The following DNM3 variants were observed in gnomAD, a reference collection of about 807,000 sequenced individuals.
DNM3 encodes the protein dynamin-3.
A neutral mutation model predicts 101.6 loss-of-function variants in DNM3; 47 were observed. The observed-to-expected ratio is 0.46, with a 90% CI of 0.37 to 0.59. The LOEUF (loss-of-function observed/expected upper bound fraction) is 0.59. Among genes scored for constraint, DNM3 ranks in the 20% least tolerant of loss-of-function variants. The pLI, the probability that DNM3 is intolerant of heterozygous loss-of-function variation, is 0.00. For synonymous variants in DNM3, 385 were observed against 387.9 expected, an observed-to-expected ratio of 0.99 and a Z score of 0.09; for missense variants, 849 against 1,085.7, an observed-to-expected ratio of 0.78 and a Z score of 3.06.
chr1:172,268,788 ACT>A (rs2062969876), intron 15 of DNM3, among the ~76,000 whole-genome samples: 1 of 152,086 alleles, frequency 6.6e-6, no homozygotes, highest in South Asian at 2.1e-4. Context: ...TTCAAATGAA[ACT>A]CTGAAATGAA....
chr1:171,861,229 T>C (rs1226087683), intron 1 of DNM3, among the ~76,000 whole-genome samples: 2 of 152,150 alleles, frequency 1.3e-5, no homozygotes, highest in East Asian at 3.8e-4. Context: ...GCCATTTTTG[T>C]GCAGAAATTG....
At chr1:172,181,580 T>A (rs1193330496) in intron 14 of DNM3, among the ~76,000 whole-genome samples, 1 of 152,078 alleles carries the variant, frequency 6.6e-6, no homozygotes, top group Non-Finnish European at 1.5e-5. Context: ...CGTATTTCTC[T>A]ACAGAGTTGT....
intron 17 of DNM3, among the ~76,000 whole-genome samples, chr1:172,367,524 A>G (rs1260060256): frequency 6.6e-6 from 1 of 151,922 alleles, no homozygotes; most frequent in Non-Finnish European, 1.5e-5. Flanking sequence ...GAGAGGAAAA[A>G]CAGAAACAAA....
At chr1:171,947,713 C>G (rs1361915279) in intron 2 of DNM3, among the ~76,000 whole-genome samples, 2 of 152,144 alleles carry the variant, frequency 1.3e-5, no homozygotes, top group Non-Finnish European at 2.9e-5. Context: ...TGTTTTTACT[C>G]TTTGCGCATC....
At chr1:171,965,513 C>T (rs118146902) in intron 2 of DNM3, among the ~76,000 whole-genome samples, 1 of 151,270 alleles carries the variant, frequency 6.6e-6, no homozygotes, top group East Asian at 1.9e-4. Context: ...ATGATTGTTC[C>T]ACTGTAAAGC....
At chr1:172,279,841 T>G (rs2063420947) in intron 15 of DNM3, among the ~76,000 whole-genome samples, 1 of 152,214 alleles carries the variant, frequency 6.6e-6, no homozygotes, top group Non-Finnish European at 1.5e-5. Context: ...TCCTCCTTGC[T>G]GTTGTCATCC....
At chr1:172,039,034 A>G (rs1197523926) in intron 7 of DNM3, among the ~76,000 whole-genome samples, 2 of 151,740 alleles carry the variant, frequency 1.3e-5, no homozygotes, top group Non-Finnish European at 2.9e-5. Context: ...TGATCTTCCC[A>G]TCTTATCTTT....
chr1:172,329,267 A>T (rs1356523157), intron 17 of DNM3, among the ~76,000 whole-genome samples: 2 of 152,128 alleles, frequency 1.3e-5, no homozygotes. Flanking sequence ...AGGATATATG[A>T]ATATTGAATG....
Position 171,882,461 on chromosome 1 carries a change from A to G in DNM3, c.162-39287A>G, listed in dbSNP as rs113663363. 3.1e-3 allele frequency among the ~76,000 whole-genome samples: 459 copies of G among 145,874 alleles called. 3 individuals are homozygous for G. The highest frequency in any genetic ancestry group is 0.011 in the African/African-American group (441 of 39,618). The stretch of plus-strand genomic sequence containing the variant: ...CACACACACACACACACACACACAC[A>G]CACGCACCATTTAAGAGTTAATGGT... On this transcript the variant is annotated intron_variant, in intron 1 of 20. Coordinates refer to ENST00000627582, the MANE Select transcript of DNM3 (RefSeq NM_015569.5).
intron 12 of DNM3, among the ~76,000 whole-genome samples, chr1:172,090,363 G>C (rs891731028): frequency 6.6e-6 from 1 of 152,162 alleles, no homozygotes; most frequent in African/African-American, 2.4e-5. Context: ...AAGCCCTTAG[G>C]AGAGTGCTAC....
intron 17 of DNM3, chr1:172,338,758 T>C (rs2066557349): frequency 2.1e-6 from 1 of 466,130 alleles, no homozygotes; most frequent in African/African-American, 2.0e-5. Context: ...TTACCATATC[T>C]CTTTGTACTT....
At chr1:172,243,690 A>G (rs1185187196) in intron 14 of DNM3, among the ~76,000 whole-genome samples, 2 of 152,204 alleles carry the variant, frequency 1.3e-5, no homozygotes, top group African/African-American at 2.4e-5. Flanking sequence ...GAGTTTATAC[A>G]GTGCTCAAGA....
At position 171,849,735 on chromosome 1, in the gene DNM3, T is replaced by A. The variant is rs535238350; in HGVS notation, c.161+7918T>A. The stretch of plus-strand genomic sequence containing the variant: ...CCCTTCCAAGAGTTCCAAAGCAGTT[T>A]TTATCATTTCATTAATCCTTCGAAT... On this transcript the variant is annotated intron_variant, in intron 1 of 20. Coordinates refer to ENST00000627582, the MANE Select transcript of DNM3 (RefSeq NM_015569.5). 1.3e-5 allele frequency among the ~76,000 whole-genome samples: 2 copies of A among 152,292 alleles called. 1 individual carries two copies. Among genetic ancestry groups the A allele is most frequent in the South Asian group, 4.1e-4 (2 of 4,826 alleles).
intron 1 of DNM3, among the ~76,000 whole-genome samples, chr1:171,918,360 G>T (rs986933738): frequency 6.6e-6 from 1 of 152,150 alleles, no homozygotes; most frequent in African/African-American, 2.4e-5. Context: ...CCCATTCAGT[G>T]GTAGAGCTAA....
chr1:172,064,558 G>A lies in DNM3; in HGVS notation c.1336-4261G>A, dbSNP rs1478373648. 2.6e-5 allele frequency among the ~76,000 whole-genome samples: 4 copies of A among 152,140 alleles called. No individual in the cohort carries two copies. In the South Asian group the frequency reaches 8.3e-4, roughly 32 times the overall value. Reference sequence around the variant, plus strand: ...GAGATTAAATGAGATAATGAAATGAGTGGTAGAAAGCCTAATCAGAAATCA... The same window carrying A: ...GAGATTAAATGAGATAATGAAATGAATGGTAGAAAGCCTAATCAGAAATCA... On this transcript the variant is annotated intron_variant, in intron 10 of 20. Coordinates refer to ENST00000627582, the MANE Select transcript of DNM3 (RefSeq NM_015569.5).
chr1:172,103,893 C>T (rs7537882), intron 13 of DNM3, among the ~76,000 whole-genome samples: 16,191 of 152,168 alleles, frequency 0.11, 1,087 homozygotes, highest in East Asian at 0.25. Flanking sequence ...TTCAGCTACT[C>T]AGGAGGCTGA....
chr1:171,894,357 C>G (rs775409593), intron 1 of DNM3, among the ~76,000 whole-genome samples: 2 of 152,144 alleles, frequency 1.3e-5, no homozygotes, highest in African/African-American at 2.4e-5. Flanking sequence ...CCGGAAAGCT[C>G]TGGTCTTTCC....
chr1:172,315,170 A>C (rs534229462), intron 16 of DNM3, among the ~76,000 whole-genome samples: 27 of 152,344 alleles, frequency 1.8e-4, no homozygotes, highest in African/African-American at 6.3e-4. Context: ...ACAGACCTGC[A>C]GCTGAGGGTC....
At position 172,260,018 on chromosome 1, in the gene DNM3, G is replaced by A. The variant is rs139554505; in HGVS notation, c.1769+6336G>A. Among the ~76,000 whole-genome samples, 10 of 152,086 alleles carry A rather than the reference G, an allele frequency of 6.6e-5. No individual in the cohort carries two copies. The East Asian group carries it at 1.9e-3, about 29-fold the overall frequency. On this transcript the variant is annotated intron_variant, in intron 15 of 20. Coordinates refer to ENST00000627582, the MANE Select transcript of DNM3 (RefSeq NM_015569.5). ...TATTTCTTATAGGGGTGGTCTAGTGGTGCTGTATCTCTTAGCTTTTGCTCA... is the reference window on the plus strand; with the variant it reads ...TATTTCTTATAGGGGTGGTCTAGTGATGCTGTATCTCTTAGCTTTTGCTCA...
Sources: gnomAD v4.1 joint callset for allele counts (sites outside exome capture counted in the v4.1 genomes callset) on GRCh38, gnomAD v4.1.1 for gene constraint, MANE v1.5 for transcripts, NCBI Gene and HGNC (gene_info 2026-07-23, HGNC 2026-07-21) for gene names.